RNF152: variants seen among roughly 807,000 people sequenced by gnomAD.
RNF152 encodes the protein E3 ubiquitin-protein ligase RNF152.
RNF152 carries 11 observed loss-of-function variants against 12.7 expected under a neutral mutation model. The observed-to-expected ratio is 0.86, with a 90% CI of 0.54 to 1.43. RNF152 has a LOEUF of 1.43. Among genes scored for constraint, RNF152 ranks in the 40% most tolerant of loss-of-function variants. RNF152 has a pLI of 0.00. For synonymous variants in RNF152, 113 were observed against 120.3 expected (o/e 0.94, Z 0.40); for missense variants, 255 against 274.8 (o/e 0.93, Z 0.51).
chr18:61,864,212 C>G (rs1911628603), intron 1 of RNF152, among the ~76,000 whole-genome samples: 1 of 152,152 alleles, frequency 6.6e-6, no homozygotes, highest in Admixed American at 6.5e-5. Context: ...CAAGTCTGCC[C>G]CCATTTCAGA....
At chr18:61,879,540 G>A (rs1418033066) in intron 1 of RNF152, among the ~76,000 whole-genome samples, 1 of 152,128 alleles carries the variant, frequency 6.6e-6, no homozygotes, top group Admixed American at 6.5e-5. Context: ...AGAGAGGAAG[G>A]ATAGGGAGAA....
At chr18:61,875,739 C>G (rs1040749281) in intron 1 of RNF152, among the ~76,000 whole-genome samples, 9 of 152,172 alleles carry the variant, frequency 5.9e-5, no homozygotes, top group Non-Finnish European at 1.3e-4. Flanking sequence ...CAATTAATCT[C>G]CAAACTGCTA....
chr18:61,844,184 AGGAAGGAAG>A (rs774606346), intron 1 of RNF152, among the ~76,000 whole-genome samples: 44,630 of 133,912 alleles, frequency 0.33, 8,728 homozygotes, highest in Non-Finnish European at 0.43. Flanking sequence ...GAAGAGAGGA[AGGAAGGAAG>A]GGAAGGAGGG....
intron 1 of RNF152, among the ~76,000 whole-genome samples, chr18:61,852,855 G>A (rs550555168): frequency 2.6e-5 from 4 of 152,216 alleles, no homozygotes; most frequent in South Asian, 2.1e-4. Context: ...TAATGGCCAC[G>A]AATAATTTCA....
intron 1 of RNF152, among the ~76,000 whole-genome samples, chr18:61,848,517 A>T (rs1181690998): frequency 6.6e-6 from 1 of 152,246 alleles, no homozygotes; most frequent in Non-Finnish European, 1.5e-5. Flanking sequence ...AACTTACTAC[A>T]CACAGCCCCC....
Position 61,811,901 on chromosome 18 carries a change from T to C in RNF152, c.*3951A>G, listed in dbSNP as rs1488220834. 1 of 152,236 alleles carries C rather than the reference T, an allele frequency of 6.6e-6. No individual in the cohort carries two copies. The highest frequency in any genetic ancestry group is 1.5e-5 in the Non-Finnish European group (1 of 68,040). The allele number at this position is 152,236 out of a possible 1,614,324, so 9.4% of individuals were successfully genotyped here. A position where few individuals can be genotyped will look rare whatever the true frequency, so the allele number is the denominator to read the frequency against. On this transcript the variant is annotated 3_prime_UTR_variant, in exon 2 of 2. Coordinates refer to ENST00000312828, the MANE Select transcript of RNF152 (RefSeq NM_173557.3). The stretch of plus-strand genomic sequence containing the variant: ...CAGCTAATGATCCCAGAAAAGGGGC[T>C]TAATAAAGCATTCTTTAAGCTTCAC...
chr18:61,844,487 C>A (rs772271644), intron 1 of RNF152, among the ~76,000 whole-genome samples: 31 of 152,202 alleles, frequency 2.0e-4, no homozygotes, highest in Non-Finnish European at 3.7e-4. Context: ...TTATGTCGAT[C>A]TGGTGGAAAA....
chr18:61,821,129 G>A (rs1057357339), intron 1 of RNF152, among the ~76,000 whole-genome samples: 1 of 152,196 alleles, frequency 6.6e-6, no homozygotes, highest in Admixed American at 6.5e-5. Flanking sequence ...CTTGGGAGGA[G>A]GCATGCAAGT....
chr18:61,874,875 G>T (rs1185578843), intron 1 of RNF152: 1 of 152,096 alleles, frequency 6.6e-6, no homozygotes, highest in African/African-American at 2.4e-5. Flanking sequence ...ATGAAGTTTA[G>T]CTTTATTGGG....
intron 1 of RNF152, among the ~76,000 whole-genome samples, chr18:61,825,415 G>T (rs1054465955): frequency 6.6e-6 from 1 of 152,228 alleles, no homozygotes; most frequent in African/African-American, 2.4e-5. Flanking sequence ...AATTTAAGGA[G>T]CCTACAAGCT....
intron 1 of RNF152, among the ~76,000 whole-genome samples, chr18:61,892,457 T>C (rs986614487): frequency 1.3e-5 from 2 of 152,220 alleles, no homozygotes; most frequent in African/African-American, 4.8e-5. Context: ...GAAGCCTAAA[T>C]CTATTACTAC....
chr18:61,865,532 T>A (rs1262192947), intron 1 of RNF152, among the ~76,000 whole-genome samples: 2 of 152,206 alleles, frequency 1.3e-5, no homozygotes, highest in East Asian at 3.8e-4. Flanking sequence ...AACGCAATAC[T>A]ATTTGTCCCC....
In RNF152 at chr18:61,844,136, AAG is replaced by A. The variant is rs1333688971; in HGVS notation, c.-135-27540_-135-27539del. Among the ~76,000 whole-genome samples the A allele has an allele frequency of 4.2e-5, 6 of 142,160 alleles. 1 individual carries two copies. In the South Asian group the frequency reaches 6.9e-4, roughly 16 times the overall value. The allele number at this position is 142,160 out of a possible 152,430, so 93.3% of individuals were successfully genotyped here. A position where few individuals can be genotyped will look rare whatever the true frequency, so the allele number is the denominator to read the frequency against. On this transcript the variant is annotated intron_variant, in intron 1 of 1. Transcript: ENST00000312828. The stretch of plus-strand genomic sequence containing the variant: ...AAAGAAAGAAAGAAAGAAAGAAAGA[AAG>A]AAATTAAGAGAAAAGGAAGGAAGGG...
At chr18:61,873,091 A>C (rs1425265071) in intron 1 of RNF152, among the ~76,000 whole-genome samples, 1 of 152,176 alleles carries the variant, frequency 6.6e-6, no homozygotes, top group East Asian at 1.9e-4. Flanking sequence ...TTGCTAGCAC[A>C]ATCTTGAGCA....
intron 1 of RNF152, among the ~76,000 whole-genome samples, chr18:61,833,884 T>TA (rs5825463): frequency 9.9e-5 from 15 of 151,350 alleles, no homozygotes; most frequent in African/African-American, 3.2e-4. Flanking sequence ...ATTTGAGCTT[T>TA]AAAAAAAAAA....
chr18:61,867,574 T>C (rs1444464512), intron 1 of RNF152, among the ~76,000 whole-genome samples: 1 of 152,202 alleles, frequency 6.6e-6, no homozygotes, highest in Non-Finnish European at 1.5e-5. Context: ...TTTTGTTTTT[T>C]ATTTTTTTCA....
At chr18:61,870,148 T>G (rs1455364318) in intron 1 of RNF152, among the ~76,000 whole-genome samples, 1 of 152,174 alleles carries the variant, frequency 6.6e-6, no homozygotes, top group Admixed American at 6.5e-5. Flanking sequence ...TGCACCCACA[T>G]TTATCACGAA....
chr18:61,853,353 G>A (rs117399583), intron 1 of RNF152, among the ~76,000 whole-genome samples: 5,565 of 142,306 alleles, frequency 0.039, 149 homozygotes, highest in Middle Eastern at 0.062. Flanking sequence ...AATGGCACAC[G>A]ATCACAGCTC....
At chr18:61,845,675 A>G (rs1910713932) in intron 1 of RNF152, among the ~76,000 whole-genome samples, 1 of 152,220 alleles carries the variant, frequency 6.6e-6, no homozygotes, top group South Asian at 2.1e-4. Context: ...TTACTGCCCT[A>G]TAATGCACTT....
Sources: gnomAD v4.1 joint callset for allele counts (sites outside exome capture counted in the v4.1 genomes callset) on GRCh38, gnomAD v4.1.1 for gene constraint, MANE v1.5 for transcripts, NCBI Gene and HGNC (gene_info 2026-07-23, HGNC 2026-07-21) for gene names.